AKT3: variants seen among roughly 807,000 people sequenced by gnomAD.
AKT3 encodes AKT serine/threonine kinase 3, also known as RAC-gamma serine/threonine-protein kinase.
Under a neutral mutation model 65.3 loss-of-function variants are expected in AKT3, and 15 were observed. The ratio of observed to expected loss-of-function variants is 0.23; its 90% CI spans 0.15 to 0.35. The LOEUF (loss-of-function observed/expected upper bound fraction) is 0.35, where lower values mean the gene tolerates loss of function less well. AKT3 is among the 10% of genes least tolerant of loss of function. The pLI is 1.00. For missense variants in AKT3, 243 were observed against 576.5 expected, an observed-to-expected ratio of 0.42 and a Z score of 5.92; for synonymous variants, 206 against 183.8, an observed-to-expected ratio of 1.12 and a Z score of -0.98.
chr1:243,717,164 T>C (rs1005328228), intron 2 of AKT3, among the ~76,000 whole-genome samples: 1 of 152,210 alleles, frequency 6.6e-6, no homozygotes, highest in Non-Finnish European at 1.5e-5. Flanking sequence ...TTCCAGGCAA[T>C]GCTACCCATG....
chr1:243,683,876 T>C (rs552628386), intron 3 of AKT3, among the ~76,000 whole-genome samples: 5 of 152,254 alleles, frequency 3.3e-5, no homozygotes, highest in African/African-American at 9.6e-5. Context: ...CTCCAATGGA[T>C]AGGATCCTCT....
intron 12 of AKT3, among the ~76,000 whole-genome samples, chr1:243,523,759 C>A (rs901453908): frequency 5.3e-5 from 8 of 152,218 alleles, no homozygotes; most frequent in Non-Finnish European, 5.9e-5. Context: ...CTCTGAAACA[C>A]AACCCGCATC....
Position 243,670,167 on chromosome 1 carries a change from GTATAATAGAAATAAACC to G in AKT3, c.173-5301_173-5285del, listed in dbSNP as rs1377380819. Among the ~76,000 whole-genome samples, 9 of 152,192 alleles carry G rather than the reference GTATAATAGAAATAAACC, an allele frequency of 5.9e-5. No homozygotes were observed. The East Asian group carries it at 1.7e-3, about 29-fold the overall frequency. On this transcript the variant is annotated intron_variant, in intron 3 of 13. Coordinates refer to ENST00000673466, the MANE Select transcript of AKT3 (RefSeq NM_005465.7). ...TGTTACGTGTAATTACAAATAAACA[GTATAATAGAAATAAACC>G]TATATTTTTTAGGTCTCAGTATGAA...
intron 2 of AKT3, among the ~76,000 whole-genome samples, chr1:243,820,421 T>C (rs7552659): frequency 0.52 from 79,000 of 152,002 alleles, 23,988 homozygotes; most frequent in Non-Finnish European, 0.68. Context: ...ACAACATCTC[T>C]CCAGCAAGGG....
intron 2 of AKT3, among the ~76,000 whole-genome samples, chr1:243,797,732 A>G (rs1692109482): frequency 6.6e-6 from 1 of 152,118 alleles, no homozygotes; most frequent in African/African-American, 2.4e-5. Context: ...GGAATGCCTG[A>G]TAACATGACA....
chr1:243,769,027 G>A (rs1454192789), intron 2 of AKT3, among the ~76,000 whole-genome samples: 2 of 151,610 alleles, frequency 1.3e-5, no homozygotes, highest in African/African-American at 4.8e-5. Flanking sequence ...CTCATCTCCT[G>A]ACCATGAAAC....
In AKT3 at chr1:243,505,179, C is replaced by G; in HGVS notation, c.*70G>C. 1 of 1,436,642 alleles carries G rather than the reference C, an allele frequency of 7.0e-7. No homozygotes were observed. 89.0% of individuals were successfully genotyped at this position (1,436,642 alleles called of 1,614,324 possible). A position where few individuals can be genotyped will look rare whatever the true frequency, so the allele number is the denominator to read the frequency against. ...CCCCTGCTATGTGTAAGAGCTAGGA[C>G]TGGTGATGTCCAGGAATCATTTTCA... On this transcript the variant is annotated 3_prime_UTR_variant, in exon 14 of 14. Transcript: ENST00000673466.
chr1:243,841,387 AG>A (rs1450911582), intron 2 of AKT3, among the ~76,000 whole-genome samples: 2 of 152,164 alleles, frequency 1.3e-5, no homozygotes, highest in African/African-American at 4.8e-5. Flanking sequence ...CAGATTTTAG[AG>A]ATTAGTAAAG....
At chr1:243,606,004 G>A (rs534564237) in intron 8 of AKT3, among the ~76,000 whole-genome samples, 2 of 152,130 alleles carry the variant, frequency 1.3e-5, no homozygotes, top group Admixed American at 6.5e-5. Flanking sequence ...TCTCTCTCCT[G>A]CTCCTATGTG....
chr1:243,561,057 C>G (rs1673741218), intron 10 of AKT3, among the ~76,000 whole-genome samples: 1 of 151,586 alleles, frequency 6.6e-6, no homozygotes, highest in South Asian at 2.1e-4. Context: ...CTAATTAAAC[C>G]ACAAAAATAG....
chr1:243,637,566 C>A, intron 6 of AKT3, 45 bp downstream of exon 6: 1 of 1,533,448 alleles, frequency 6.5e-7, no homozygotes, highest in Non-Finnish European at 8.8e-7. Context: ...AACACATGCA[C>A]ACTGCAAACA....
chr1:243,666,588 C>T (rs1682799350), intron 3 of AKT3, among the ~76,000 whole-genome samples: 1 of 152,172 alleles, frequency 6.6e-6, no homozygotes, highest in Non-Finnish European at 1.5e-5. Flanking sequence ...TTCCATCACC[C>T]AGGCTGAAAC....
chr1:243,806,318 G>A (rs528316634), intron 2 of AKT3, among the ~76,000 whole-genome samples: 39 of 152,016 alleles, frequency 2.6e-4, no homozygotes, highest in Non-Finnish European at 4.7e-4. Flanking sequence ...TTCTTTAGTT[G>A]CTATAACATG....
At chr1:243,631,304 G>A (rs1357726586) in intron 6 of AKT3, among the ~76,000 whole-genome samples, 1 of 152,088 alleles carries the variant, frequency 6.6e-6, no homozygotes, top group African/African-American at 2.4e-5. Context: ...GGTGAGAGTG[G>A]GTGTGGCAAT....
intron 2 of AKT3, among the ~76,000 whole-genome samples, chr1:243,796,500 C>T (rs918320602): frequency 6.6e-6 from 1 of 152,192 alleles, no homozygotes; most frequent in Non-Finnish European, 1.5e-5. Context: ...GCTTCTCACT[C>T]CACTTAAAAG....
rs553415394 is a variant in AKT3 at position 243,515,288 on chromosome 1, T to C, written c.1252-2862A>G. Among the ~76,000 whole-genome samples, 6 of 152,326 alleles carry C rather than the reference T, an allele frequency of 3.9e-5. No homozygotes were observed. In the South Asian group the frequency reaches 1.2e-3, roughly 32 times the overall value. On this transcript the variant is annotated intron_variant, in intron 12 of 13. Transcript: ENST00000673466. Reference sequence around the variant, plus strand: ...GTCTTTGTGTAGACATATGATTTAATTTATTTAGGACAAATACTAAGGAGT... The same window carrying C: ...GTCTTTGTGTAGACATATGATTTAACTTATTTAGGACAAATACTAAGGAGT...
At chr1:243,849,190 A>T (rs1435597428) in intron 1 of AKT3, among the ~76,000 whole-genome samples, 1 of 152,186 alleles carries the variant, frequency 6.6e-6, no homozygotes, top group Non-Finnish European at 1.5e-5. Context: ...GCGCCGGAGG[A>T]GGTGGACAAG....
intron 2 of AKT3, among the ~76,000 whole-genome samples, chr1:243,830,032 C>G (rs1558852667): frequency 6.6e-6 from 1 of 152,156 alleles, no homozygotes; most frequent in Non-Finnish European, 1.5e-5. Flanking sequence ...CAGTAAGATA[C>G]CAATACAGTC....
At chr1:243,632,902 A>C (rs1679711057) in intron 6 of AKT3, among the ~76,000 whole-genome samples, 1 of 152,184 alleles carries the variant, frequency 6.6e-6, no homozygotes, top group Non-Finnish European at 1.5e-5. Flanking sequence ...AATTGGGAGA[A>C]TTAAGGCCTT....
Sources: allele counts gnomAD v4.1 joint callset (sites outside exome capture counted in the v4.1 genomes callset), GRCh38; gene constraint gnomAD v4.1.1; transcripts MANE v1.5; gene names NCBI Gene and HGNC (gene_info 2026-07-23, HGNC 2026-07-21).